Variants in NDUFS4 observed in about 807,000 individuals in gnomAD.
NDUFS4 encodes the protein NADH dehydrogenase [ubiquinone] iron-sulfur protein 4, mitochondrial.
A neutral mutation model predicts 24.3 loss-of-function variants in NDUFS4; 28 were observed. The observed-to-expected ratio is 1.15, with a 90% CI of 0.85 to 1.58. NDUFS4 has a LOEUF of 1.58. Ranked by LOEUF, NDUFS4 falls within the 40% of genes most tolerant of loss-of-function variation. The probability of loss-of-function intolerance (pLI) is 0.00; values close to 1 mark genes in which losing one functional copy is unlikely to be tolerated. For synonymous variants in NDUFS4, 93 were observed against 69.7 expected, an observed-to-expected ratio of 1.34 and a Z score of -1.67; for missense variants, 223 against 207.9, an observed-to-expected ratio of 1.07 and a Z score of -0.45.
Position 53,630,522 on chromosome 5 carries a change from A to G in NDUFS4, c.178-15711A>G, listed in dbSNP as rs140206913. Among the ~76,000 whole-genome samples the G allele has an allele frequency of 6.4e-3, 969 of 152,076 alleles. 12 individuals carry two copies. The highest frequency in any genetic ancestry group is 0.022 in the African/African-American group (898 of 41,502). The stretch of plus-strand genomic sequence containing the variant: ...CTATCACTTTCAGGTACACCAATCA[A>G]ACGTATATTTGGTCTTTTCACATAA... On this transcript the variant is annotated intron_variant, in intron 2 of 4. Coordinates refer to ENST00000296684, the MANE Select transcript of NDUFS4 (RefSeq NM_002495.4).
intron 3 of NDUFS4, among the ~76,000 whole-genome samples, chr5:53,653,421 A>AACAC (rs1317302255): frequency 3.9e-5 from 6 of 152,294 alleles, no homozygotes; most frequent in African/African-American, 1.4e-4. Context: ...ACACTGTTCT[A>AACAC]ACACATTGCC....
At chr5:53,589,337 C>T (rs753486806) in intron 1 of NDUFS4, among the ~76,000 whole-genome samples, 76 of 152,174 alleles carry the variant, frequency 5.0e-4, no homozygotes, top group Non-Finnish European at 9.6e-4. Flanking sequence ...CTTAAAATAA[C>T]AGAGATTTAT....
At chr5:53,573,493 C>T (rs556603450) in intron 1 of NDUFS4, 52 of 391,314 alleles carry the variant, frequency 1.3e-4, no homozygotes, top group African/African-American at 9.0e-4. Context: ...TAGTTTTGAG[C>T]GTGCAGATCC....
In NDUFS4 at chr5:53,588,044, A is replaced by C. The variant is rs10068138; in HGVS notation, c.99-15408A>C. On this transcript the variant is annotated intron_variant, in intron 1 of 4. Transcript: ENST00000296684. ...ATTAATAAGTGATTGTTGTACAGGC[A>C]TGCTTTGGAGATACTGCAGGTTTGG... Among the ~76,000 whole-genome samples, 349 of 152,312 alleles carry C rather than the reference A, an allele frequency of 2.3e-3. 2 individuals are homozygous for C. The highest frequency in any genetic ancestry group is 8.1e-3 in the African/African-American group (337 of 41,560).
At chr5:53,595,297 A>C (rs1561350521) in intron 1 of NDUFS4, among the ~76,000 whole-genome samples, 1 of 152,118 alleles carries the variant, frequency 6.6e-6, no homozygotes, top group Non-Finnish European at 1.5e-5. Context: ...TAGGATTTGT[A>C]TTACTATTGT....
At chr5:53,667,513 G>T (rs532682536) in intron 4 of NDUFS4, among the ~76,000 whole-genome samples, 1 of 151,942 alleles carries the variant, frequency 6.6e-6, no homozygotes, top group South Asian at 2.1e-4. Flanking sequence ...AGGTGGAGGT[G>T]GGGGATCTTT....
At position 53,608,610 on chromosome 5, in the gene NDUFS4, A is replaced by C. The variant is rs143985713; in HGVS notation, c.177+5080A>C. 3.0e-3 allele frequency among the ~76,000 whole-genome samples: 393 copies of C among 130,270 alleles called. 6 individuals carry two copies. The South Asian group carries it at 0.05, about 17-fold the overall frequency. 85.5% of individuals were successfully genotyped at this position (130,270 alleles called of 152,430 possible). On this transcript the variant is annotated intron_variant, in intron 2 of 4. Transcript: ENST00000296684. ...TCTGTCTCAAGAAACGACTTAGCTC[A>C]TGCATGAGAAGCAACTTCTGATTTG... is the stretch of plus-strand genomic sequence containing the variant.
At chr5:53,577,946 G>A (rs256107) in intron 1 of NDUFS4, among the ~76,000 whole-genome samples, 119,398 of 152,062 alleles carry the variant, frequency 0.79, 47,010 homozygotes, top group African/African-American at 0.84. Context: ...AGATGAGCAT[G>A]TATTTTCTCT....
intron 1 of NDUFS4, among the ~76,000 whole-genome samples, chr5:53,587,603 C>T (rs112095082): frequency 4.4e-4 from 65 of 148,618 alleles, no homozygotes; most frequent in African/African-American, 1.2e-3. Flanking sequence ...TTTGAGACAG[C>T]GTCTCGCTCT....
chr5:53,580,637 CTTAT>C (rs1749529341), intron 1 of NDUFS4, among the ~76,000 whole-genome samples: 2 of 151,568 alleles, frequency 1.3e-5, no homozygotes, highest in African/African-American at 2.4e-5. Flanking sequence ...CACAACTTCG[CTTAT>C]TTATTTTCTT....
intron 2 of NDUFS4, among the ~76,000 whole-genome samples, chr5:53,633,716 A>G (rs1751473630): frequency 6.6e-6 from 1 of 152,202 alleles, no homozygotes; most frequent in Admixed American, 6.5e-5. Flanking sequence ...CAAGATGGGT[A>G]GAAGAAAAGA....
At chr5:53,623,051 G>A (rs1453725298) in intron 2 of NDUFS4, among the ~76,000 whole-genome samples, 1 of 152,044 alleles carries the variant, frequency 6.6e-6, no homozygotes, top group African/African-American at 2.4e-5. Context: ...TTGTTTCTAG[G>A]GCTATTGTAA....
intron 4 of NDUFS4, among the ~76,000 whole-genome samples, chr5:53,665,954 C>T (rs374915186): frequency 6.6e-6 from 1 of 152,184 alleles, no homozygotes; most frequent in East Asian, 1.9e-4. Flanking sequence ...GTTCCTATTC[C>T]ACCATCTTGG....
chr5:53,654,575 A>G (rs1384510710), intron 3 of NDUFS4, among the ~76,000 whole-genome samples: 4 of 152,282 alleles, frequency 2.6e-5, no homozygotes, highest in South Asian at 4.1e-4. Flanking sequence ...ATTTGCAGAA[A>G]GATGACCACC....
intron 1 of NDUFS4, among the ~76,000 whole-genome samples, chr5:53,564,623 C>A (rs1427794710): frequency 3.3e-5 from 5 of 152,114 alleles, no homozygotes; most frequent in African/African-American, 1.2e-4. Context: ...CATGCAACCT[C>A]CACCCTCTGG....
intron 2 of NDUFS4, among the ~76,000 whole-genome samples, chr5:53,622,272 C>CTTA (rs924726093): frequency 5.3e-5 from 8 of 152,100 alleles, no homozygotes; most frequent in African/African-American, 1.9e-4. Context: ...CAGACCTTGT[C>CTTA]TTAGCTCAGG....
At chr5:53,590,459 T>C (rs1749911846) in intron 1 of NDUFS4, among the ~76,000 whole-genome samples, 1 of 152,212 alleles carries the variant, frequency 6.6e-6, no homozygotes, top group South Asian at 2.1e-4. Context: ...TCTCATATTT[T>C]GTGTTACATA....
In NDUFS4 at chr5:53,651,933, G is replaced by A. The variant is rs182154595; in HGVS notation, c.350+5528G>A. Among the ~76,000 whole-genome samples, 300 of 151,972 alleles carry A rather than the reference G, an allele frequency of 2.0e-3. 2 individuals are homozygous for A. The highest frequency in any genetic ancestry group is 3.4e-3 in the Non-Finnish European group (234 of 67,954). ...GACTACAGGCACCTGCACCACGCCC[G>A]GCTAATTTTTTTTGTATTTTTAGTA... On this transcript the variant is annotated intron_variant, in intron 3 of 4. Transcript: ENST00000296684.
intron 1 of NDUFS4, among the ~76,000 whole-genome samples, chr5:53,588,602 CT>C (rs1749844171): frequency 6.6e-6 from 1 of 152,044 alleles, no homozygotes; most frequent in Non-Finnish European, 1.5e-5. Flanking sequence ...TATATGAATG[CT>C]GGTAATTTTT....
Sources: gnomAD v4.1 joint callset for allele counts (sites outside exome capture counted in the v4.1 genomes callset) on GRCh38, gnomAD v4.1.1 for gene constraint, MANE v1.5 for transcripts, NCBI Gene and HGNC (gene_info 2026-07-23, HGNC 2026-07-21) for gene names.